DNAAF11: variants seen among roughly 807,000 people sequenced by gnomAD.
The protein encoded by DNAAF11 is dynein axonemal assembly factor 11, also known as leucine rich repeat containing 6.
DNAAF11 carries 45 observed loss-of-function variants against 60.8 expected under a neutral mutation model. That is an observed-to-expected ratio of 0.74 (90% confidence interval 0.58 to 0.95). DNAAF11 has a LOEUF of 0.95. Among genes scored for constraint, DNAAF11 ranks in the 40% least tolerant of loss-of-function variants. DNAAF11 has a pLI of 0.00. For missense variants in DNAAF11, 546 were observed against 546.2 expected, an observed-to-expected ratio of 1.00 and a Z score of 0.00; for synonymous variants, 191 against 183.5, an observed-to-expected ratio of 1.04 and a Z score of -0.33.
Position 132,602,848 on chromosome 8 carries a change from T to C in DNAAF11, c.1140+7318A>G, listed in dbSNP as rs540089119. ...AGCCTGCCTCTTCTAGAAAGGATTTTCACTGGGTTTGCCAGGCATGTGTGG... is the reference window on the plus strand; with the variant it reads ...AGCCTGCCTCTTCTAGAAAGGATTTCCACTGGGTTTGCCAGGCATGTGTGG... On this transcript the variant is annotated intron_variant, in intron 10 of 11. Transcript: ENST00000620350. 3.2e-4 allele frequency among the ~76,000 whole-genome samples: 49 copies of C among 152,092 alleles called. No individual in the cohort carries two copies. The East Asian group carries it at 7.7e-3, about 24-fold the overall frequency.
chr8:132,611,407 CAA>C (rs1160711809), intron 8 of DNAAF11, 44 bp from the exon 9 acceptor site: 1 of 1,185,608 alleles, frequency 8.4e-7, no homozygotes, highest in Non-Finnish European at 1.2e-6. Flanking sequence ...TAAAAAATAT[CAA>C]GTTTGAATAA....
At chr8:132,665,747 G>A (rs1824565136) in intron 1 of DNAAF11, among the ~76,000 whole-genome samples, 2 of 152,118 alleles carry the variant, frequency 1.3e-5, no homozygotes, top group Non-Finnish European at 1.5e-5. Flanking sequence ...TCACTACTGG[G>A]TATCTACCCA....
At chr8:132,689,149 C>T in the DNAAF11 span, among the ~76,000 whole-genome samples, 3,743 of 152,238 alleles carry the variant, frequency 0.025, 170 homozygotes, top group African/African-American at 0.085. Flanking sequence ...TCCTTGTTCT[C>T]CAACTGATGA....
At chr8:132,701,703 G>A in the DNAAF11 span, among the ~76,000 whole-genome samples, 1 of 152,208 alleles carries the variant, frequency 6.6e-6, no homozygotes, top group South Asian at 2.1e-4. Flanking sequence ...TTATTGTGTG[G>A]CCATCTTGCC....
intron 4 of DNAAF11, among the ~76,000 whole-genome samples, chr8:132,633,210 G>A (rs1820980513): frequency 2.0e-5 from 3 of 151,928 alleles, no homozygotes; most frequent in East Asian, 1.9e-4. Context: ...ATTAATACAA[G>A]CTCTCAAAAT....
chr8:132,643,975 T>C (rs1317151177), intron 3 of DNAAF11, among the ~76,000 whole-genome samples: 1 of 152,210 alleles, frequency 6.6e-6, no homozygotes, highest in Non-Finnish European at 1.5e-5. Flanking sequence ...TTATATATTC[T>C]AGATTTTACT....
At position 132,571,711 on chromosome 8, in the gene DNAAF11, C is replaced by A. The variant is rs1247651718; in HGVS notation, c.*595G>T. Among the ~76,000 whole-genome samples the A allele has an allele frequency of 6.6e-6, 1 of 152,120 alleles. No homozygotes were observed. The highest frequency in any genetic ancestry group is 1.5e-5 in the Non-Finnish European group (1 of 68,022). On this transcript the variant is annotated 3_prime_UTR_variant, in exon 12 of 12. Coordinates refer to ENST00000620350, the MANE Select transcript of DNAAF11 (RefSeq NM_012472.6). ...CCTGTGAGGCAAGTGTTATTATTCC[C>A]AGATTATACATGAAGCCACTAAGGC...
At chr8:132,583,659 A>G in intron 11 of DNAAF11, 35 bp downstream of exon 11, 2 of 1,524,824 alleles carry the variant, frequency 1.3e-6, no homozygotes, top group Non-Finnish European at 1.8e-6. Context: ...AGAGAACAAT[A>G]TAATACAGCT....
chr8:132,692,558 T>C, the DNAAF11 span, among the ~76,000 whole-genome samples: 4 of 152,290 alleles, frequency 2.6e-5, no homozygotes, highest in African/African-American at 9.6e-5. Context: ...TGAAGACAAA[T>C]GCACGCAGAA....
intron 10 of DNAAF11, among the ~76,000 whole-genome samples, chr8:132,593,015 A>G (rs1331463428): frequency 2.6e-5 from 4 of 152,020 alleles, no homozygotes; most frequent in Admixed American, 6.6e-5. Context: ...CAATCAGGAG[A>G]GGGTAAGAAT....
chr8:132,610,960 T>C (rs2357511), intron 9 of DNAAF11, among the ~76,000 whole-genome samples: 11,676 of 152,212 alleles, frequency 0.077, 1,222 homozygotes, highest in African/African-American at 0.24. Context: ...AGTGGGGTGA[T>C]CTTAACTCAC....
intron 11 of DNAAF11, among the ~76,000 whole-genome samples, chr8:132,580,909 G>T (rs1282347031): frequency 6.6e-6 from 1 of 152,172 alleles, no homozygotes; most frequent in African/African-American, 2.4e-5. Context: ...CAAGAATAAG[G>T]TGAGAAGACA....
intron 5 of DNAAF11, 81 bp from the exon 6 acceptor site, chr8:132,625,535 A>C: frequency 1.9e-6 from 2 of 1,046,202 alleles, no homozygotes; most frequent in Non-Finnish European, 1.4e-6. Context: ...TAATATCTAT[A>C]CACTTTTCTT....
At chr8:132,672,092 A>C (rs1462415529) in intron 1 of DNAAF11, among the ~76,000 whole-genome samples, 4 of 152,174 alleles carry the variant, frequency 2.6e-5, no homozygotes, top group Admixed American at 2.6e-4. Context: ...CTTGCAAATC[A>C]TGTATCTGAT....
At chr8:132,581,363 A>T (rs1263957415) in intron 11 of DNAAF11, among the ~76,000 whole-genome samples, 2 of 152,130 alleles carry the variant, frequency 1.3e-5, no homozygotes, top group Non-Finnish European at 2.9e-5. Flanking sequence ...TAAGAAGGCA[A>T]GTCTGGCTGG....
chr8:132,634,236 G>A (rs899107449), intron 4 of DNAAF11, among the ~76,000 whole-genome samples: 23 of 152,116 alleles, frequency 1.5e-4, no homozygotes, highest in African/African-American at 4.6e-4. Context: ...CAGCCAAAGC[G>A]AAATAGAAAA....
In DNAAF11 at chr8:132,632,960, A is replaced by T; in HGVS notation, c.433T>A (p.Leu145Met). Residue 145 changes from leucine (L) to methionine (M), a missense_variant, in exon 5 of 12, where the codon TTG becomes ATG. Physicochemically the swap from Leu to Met is conservative, Grantham distance 15 (BLOSUM62 2). Transcript: ENST00000620350. ...VVATLPQLKW[L>M]DGKEIEPSER... ...GAAGGCTCTATTTCTTTACCATCCAACCACTTAAAGAAAAACAATAAATAT... is the reference window on the plus strand; with the variant it reads ...GAAGGCTCTATTTCTTTACCATCCATCCACTTAAAGAAAAACAATAAATAT... The T allele has an allele frequency of 6.2e-7, 1 of 1,606,828 alleles. No homozygotes were observed. Among genetic ancestry groups the T allele is most frequent in the Non-Finnish European group, 8.5e-7 (1 of 1,174,262 alleles).
At chr8:132,603,708 G>A (rs1313881375) in intron 10 of DNAAF11, among the ~76,000 whole-genome samples, 1 of 152,010 alleles carries the variant, frequency 6.6e-6, no homozygotes. Flanking sequence ...TTGCAATGAA[G>A]TGGACCAGGG....
At chr8:132,655,882 C>T (rs556396583) in intron 3 of DNAAF11, among the ~76,000 whole-genome samples, 4 of 152,218 alleles carry the variant, frequency 2.6e-5, no homozygotes, top group South Asian at 2.1e-4. Context: ...GTGTAGAAAT[C>T]GGTACTCACA....
Sources: gnomAD v4.1 joint callset for allele counts (sites outside exome capture counted in the v4.1 genomes callset) on GRCh38, gnomAD v4.1.1 for gene constraint, MANE v1.5 for transcripts, NCBI Gene and HGNC (gene_info 2026-07-23, HGNC 2026-07-21) for gene names.